The following PPP2R5A variants were observed in gnomAD, a reference collection of about 807,000 sequenced individuals.
PPP2R5A encodes serine/threonine-protein phosphatase 2A 56 kDa regulatory subunit alpha isoform.
A neutral mutation model predicts 64.2 loss-of-function variants in PPP2R5A; 25 were observed. That is an observed-to-expected ratio of 0.39 (90% CI 0.28 to 0.54). The LOEUF is 0.54. Among genes scored for constraint, PPP2R5A ranks in the 20% least tolerant of loss-of-function variants. The probability of loss-of-function intolerance (pLI) is 0.67; values close to 1 mark genes in which losing one functional copy is unlikely to be tolerated. For synonymous variants in PPP2R5A, 198 were observed against 201.2 expected, an observed-to-expected ratio of 0.98 and a Z score of 0.13; for missense variants, 425 against 576.3, an observed-to-expected ratio of 0.74 and a Z score of 2.69.
intron 1 of PPP2R5A, among the ~76,000 whole-genome samples, chr1:212,326,376 T>C (rs1659407947): frequency 6.6e-6 from 1 of 151,922 alleles, no homozygotes; most frequent in Admixed American, 6.6e-5. Context: ...GGCGGATCAT[T>C]TGAGGTCAGG....
chr1:212,313,451 G>T (rs891973295), intron 1 of PPP2R5A, among the ~76,000 whole-genome samples: 3 of 151,408 alleles, frequency 2.0e-5, no homozygotes, highest in Non-Finnish European at 2.9e-5. Flanking sequence ...TATACTTATC[G>T]GTCATTTATG....
At position 212,285,749 on chromosome 1, in the gene PPP2R5A, G is replaced by C. The variant is rs1658481485; in HGVS notation, c.-362G>C. On this transcript the variant is annotated 5_prime_UTR_variant, in exon 1 of 13. Coordinates refer to ENST00000261461, the MANE Select transcript of PPP2R5A (RefSeq NM_006243.4). ...CGGGGGCAGAAGCGACGAGAGGCGC[G>C]CTCGGCACCCGCACCCCCGTGCCCC... The C allele has an allele frequency of 1.6e-5, 3 of 183,696 alleles. No homozygotes were observed. Among genetic ancestry groups the C allele is most frequent in the Non-Finnish European group, 3.4e-5 (3 of 88,996 alleles). The allele number at this position is 183,696 out of a possible 1,614,324, so 11.4% of individuals were successfully genotyped here.
At chr1:212,304,228 T>G (rs192406751) in intron 1 of PPP2R5A, among the ~76,000 whole-genome samples, 12 of 152,300 alleles carry the variant, frequency 7.9e-5, no homozygotes, top group Admixed American at 6.5e-4. Context: ...ATTTTTGAAT[T>G]TCCCAAAAAT....
intron 8 of PPP2R5A, among the ~76,000 whole-genome samples, chr1:212,352,220 A>T (rs776156305): frequency 8.6e-5 from 13 of 150,990 alleles, no homozygotes; most frequent in Non-Finnish European, 1.8e-4. Context: ...GTAGAGATGG[A>T]GTTTCATCAT....
At chr1:212,304,583 A>G (rs1256753280) in intron 1 of PPP2R5A, among the ~76,000 whole-genome samples, 2 of 151,950 alleles carry the variant, frequency 1.3e-5, no homozygotes, top group East Asian at 1.9e-4. Flanking sequence ...GGGTCTCGCT[A>G]TGTTGCCCAG....
intron 4 of PPP2R5A, among the ~76,000 whole-genome samples, chr1:212,343,345 C>G (rs970419005): frequency 2.0e-5 from 3 of 152,206 alleles, no homozygotes; most frequent in African/African-American, 7.2e-5. Flanking sequence ...CCTGAGTATG[C>G]AGGCCTCTTT....
At chr1:212,327,365 TC>T (rs1659423772) in intron 1 of PPP2R5A, among the ~76,000 whole-genome samples, 1 of 152,224 alleles carries the variant, frequency 6.6e-6, no homozygotes, top group African/African-American at 2.4e-5. Flanking sequence ...TTTGTTAGAA[TC>T]AAATCAATAC....
chr1:212,353,948 G>C (rs1053886337), intron 8 of PPP2R5A, among the ~76,000 whole-genome samples: 1 of 152,280 alleles, frequency 6.6e-6, no homozygotes, highest in Middle Eastern at 3.4e-3. Context: ...ACTTTGAGAG[G>C]CCGAGGCGGG....
intron 1 of PPP2R5A, among the ~76,000 whole-genome samples, chr1:212,328,668 A>G (rs1446149429): frequency 6.6e-6 from 1 of 152,208 alleles, no homozygotes; most frequent in Non-Finnish European, 1.5e-5. Flanking sequence ...GGTAATGGTT[A>G]TGGGACCAGA....
At chr1:212,303,369 T>C (rs1250127487) in intron 1 of PPP2R5A, among the ~76,000 whole-genome samples, 1 of 152,246 alleles carries the variant, frequency 6.6e-6, no homozygotes, top group East Asian at 1.9e-4. Flanking sequence ...AACATGCTTA[T>C]TGGCCATTTG....
intron 8 of PPP2R5A, among the ~76,000 whole-genome samples, chr1:212,350,735 T>C (rs1659860639): frequency 2.0e-5 from 3 of 151,960 alleles, no homozygotes; most frequent in African/African-American, 2.4e-5. Context: ...AAACCCATAA[T>C]AACACATATT....
chr1:212,353,981 G>A (rs1012230116), intron 8 of PPP2R5A, among the ~76,000 whole-genome samples: 2 of 151,816 alleles, frequency 1.3e-5, no homozygotes, highest in African/African-American at 2.4e-5. Flanking sequence ...TCAGGAGATC[G>A]AGACCATCCT....
At chr1:212,288,357 A>G (rs1464438048) in intron 1 of PPP2R5A, among the ~76,000 whole-genome samples, 1 of 152,240 alleles carries the variant, frequency 6.6e-6, no homozygotes, top group Non-Finnish European at 1.5e-5. Flanking sequence ...GCATAGAGTC[A>G]GTAATCATCT....
chr1:212,287,505 T>C (rs1484157841), intron 1 of PPP2R5A, among the ~76,000 whole-genome samples: 2 of 152,182 alleles, frequency 1.3e-5, no homozygotes, highest in Middle Eastern at 3.2e-3. Flanking sequence ...CAGAACCCTA[T>C]TGAGACCCTA....
intron 1 of PPP2R5A, among the ~76,000 whole-genome samples, chr1:212,303,280 TC>T (rs1658832945): frequency 6.6e-6 from 1 of 152,210 alleles, no homozygotes; most frequent in Admixed American, 6.5e-5. Flanking sequence ...ATTATAGCCA[TC>T]CTAATGGATG....
intron 1 of PPP2R5A, among the ~76,000 whole-genome samples, chr1:212,321,571 G>A (rs1659295110): frequency 6.8e-6 from 1 of 147,610 alleles, no homozygotes; most frequent in Non-Finnish European, 1.5e-5. Flanking sequence ...GGGCAGAGAC[G>A]CTCCTCACAT....
chr1:212,304,801 C>G (rs7520554), intron 1 of PPP2R5A, among the ~76,000 whole-genome samples: 1 of 144,466 alleles, frequency 6.9e-6, no homozygotes, highest in South Asian at 2.3e-4. Flanking sequence ...GGCATGATCT[C>G]GGCTCACTGC....
chr1:212,335,930 T>C (rs188412191), intron 3 of PPP2R5A, among the ~76,000 whole-genome samples: 3 of 152,124 alleles, frequency 2.0e-5, no homozygotes, highest in African/African-American at 7.2e-5. Context: ...GTAAAGAAAG[T>C]GTTTTCATTA....
chr1:212,320,409 A>G (rs1238570499), intron 1 of PPP2R5A, among the ~76,000 whole-genome samples: 1 of 151,998 alleles, frequency 6.6e-6, no homozygotes, highest in African/African-American at 2.4e-5. Context: ...CCCCCTTTCT[A>G]TTCCACAAAA....
Sources: allele counts gnomAD v4.1 joint callset (sites outside exome capture counted in the v4.1 genomes callset), GRCh38; gene constraint gnomAD v4.1.1; transcripts MANE v1.5; gene names NCBI Gene and HGNC (gene_info 2026-07-23, HGNC 2026-07-21).